Variants in EIPR1 observed in about 807,000 individuals in gnomAD.
The protein encoded by EIPR1 is EARP and GARP complex-interacting protein 1.
In EIPR1, 25 loss-of-function variants were observed where a neutral mutation model predicts 48.1. That is an observed-to-expected ratio of 0.52 (90% CI 0.38 to 0.73). EIPR1 has a LOEUF of 0.73. Ranked by LOEUF, EIPR1 falls within the 30% of genes least tolerant of loss-of-function variation. The pLI is 0.00. For missense variants in EIPR1, 415 were observed against 506.2 expected (o/e 0.82, Z 1.73); for synonymous variants, 204 against 201.9 (o/e 1.01, Z -0.09).
intron 3 of EIPR1, among the ~76,000 whole-genome samples, chr2:3,299,746 T>C (rs1022337724): frequency 4.6e-5 from 7 of 152,004 alleles, no homozygotes; most frequent in African/African-American, 1.5e-4. Context: ...GCAGTTTACA[T>C]GCAATCTTAT....
rs552915090 is a variant in EIPR1 at position 3,232,644 on chromosome 2, T to G, written c.417-18396A>C. On this transcript the variant is annotated intron_variant, in intron 4 of 8. Coordinates refer to ENST00000382125, the MANE Select transcript of EIPR1 (RefSeq NM_003310.5). ...TGCTTCACTGAGCACAGGCCAGTTATGACCCATTTCAACACTGTTAGGACA... is the reference window on the plus strand; with the variant it reads ...TGCTTCACTGAGCACAGGCCAGTTAGGACCCATTTCAACACTGTTAGGACA... Among the ~76,000 whole-genome samples, 20 of 152,338 alleles carry G rather than the reference T, an allele frequency of 1.3e-4. No homozygotes were observed. In the South Asian group the frequency reaches 2.1e-3, roughly 16 times the overall value.
intron 4 of EIPR1, among the ~76,000 whole-genome samples, chr2:3,217,701 G>A (rs1178647473): frequency 6.6e-6 from 1 of 152,036 alleles, no homozygotes; most frequent in Admixed American, 6.6e-5. Context: ...CAGTACCACG[G>A]GTCAAATCTG....
intron 1 of EIPR1, among the ~76,000 whole-genome samples, chr2:3,355,347 T>A (rs1245357390): frequency 6.6e-6 from 1 of 152,108 alleles, no homozygotes; most frequent in Non-Finnish European, 1.5e-5. Context: ...CAAATGAGAA[T>A]CAGACCAACC....
At chr2:3,225,359 C>T (rs909634050) in intron 4 of EIPR1, among the ~76,000 whole-genome samples, 5 of 151,880 alleles carry the variant, frequency 3.3e-5, no homozygotes, top group Admixed American at 2.0e-4. Context: ...AGTCCTCCCA[C>T]CTCAGCCTCT....
chr2:3,245,120 G>A (rs1320855304), intron 4 of EIPR1, among the ~76,000 whole-genome samples: 2 of 151,926 alleles, frequency 1.3e-5, no homozygotes, highest in South Asian at 2.1e-4. Context: ...TTTATATGGG[G>A]CAAGGGAGAC....
chr2:3,344,441 T>C (rs935341933), intron 2 of EIPR1, among the ~76,000 whole-genome samples: 6 of 152,170 alleles, frequency 3.9e-5, no homozygotes, highest in Non-Finnish European at 8.8e-5. Flanking sequence ...AGTGCTGACA[T>C]GAACGTGACC....
At chr2:3,302,644 A>T (rs1036909794) in intron 3 of EIPR1, among the ~76,000 whole-genome samples, 1 of 152,234 alleles carries the variant, frequency 6.6e-6, no homozygotes, top group Non-Finnish European at 1.5e-5. Context: ...GTTGTGCCCC[A>T]TTGCAGTGGC....
chr2:3,280,219 C>A (rs1268915650), intron 3 of EIPR1, among the ~76,000 whole-genome samples: 1 of 152,234 alleles, frequency 6.6e-6, no homozygotes, highest in African/African-American at 2.4e-5. Context: ...CCCTTTAAAC[C>A]TGAGTCCGGA....
chr2:3,228,469 G>C (rs1666134578), intron 4 of EIPR1, among the ~76,000 whole-genome samples: 1 of 152,232 alleles, frequency 6.6e-6, no homozygotes, highest in Admixed American at 6.5e-5. Context: ...AGGCAGAAGG[G>C]ACTTGCCTTG....
intron 1 of EIPR1, among the ~76,000 whole-genome samples, chr2:3,357,405 T>A (rs1412892671): frequency 6.6e-6 from 1 of 152,192 alleles, no homozygotes. Context: ...AAACTAAATA[T>A]GGCCTGAGAA....
rs1038991993 is a variant in EIPR1 at position 3,286,103 on chromosome 2, C to T, written c.260-28648G>A. Among the ~76,000 whole-genome samples, 1 of 152,144 alleles carries T rather than the reference C, an allele frequency of 6.6e-6. No homozygotes were observed. The highest frequency in any genetic ancestry group is 6.5e-5 in the Admixed American group (1 of 15,278). On this transcript the variant is annotated intron_variant, in intron 3 of 8. Coordinates refer to ENST00000382125, the MANE Select transcript of EIPR1 (RefSeq NM_003310.5). This position sits in a 1 kb window ranked among gnomAD's most constrained non-coding sequence, Gnocchi z 4.2. ...GCCACTGGGAGTGAACAAACCTTCC[C>T]AGGACTCCAGCTTTTTCCAGCCAAG...
intron 2 of EIPR1, among the ~76,000 whole-genome samples, chr2:3,343,661 A>T (rs1670316673): frequency 6.6e-6 from 1 of 152,230 alleles, no homozygotes; most frequent in South Asian, 2.1e-4. Flanking sequence ...AGTTATAAAA[A>T]TGTATTAGGA....
chr2:3,288,952 G>A (rs1196659622), intron 3 of EIPR1, among the ~76,000 whole-genome samples: 1 of 152,210 alleles, frequency 6.6e-6, no homozygotes, highest in Non-Finnish European at 1.5e-5. Flanking sequence ...CCCCAGCGGA[G>A]CCCCACCCCG....
At chr2:3,234,316 T>A (rs1484907241) in intron 4 of EIPR1, among the ~76,000 whole-genome samples, 1 of 152,232 alleles carries the variant, frequency 6.6e-6, no homozygotes, top group Non-Finnish European at 1.5e-5. Context: ...GCCAACTTTT[T>A]GCTTTAAACA....
At chr2:3,262,700 C>T (rs2103228418) in intron 3 of EIPR1, among the ~76,000 whole-genome samples, 1 of 152,242 alleles carries the variant, frequency 6.6e-6, no homozygotes, top group East Asian at 1.9e-4. Flanking sequence ...CCACGTGGTC[C>T]CGGGGTTCTG....
rs969873342 is a variant in EIPR1 at position 3,192,400 on chromosome 2, G to T, written c.989+14C>A. 5 of 1,601,474 alleles carry T rather than the reference G, an allele frequency of 3.1e-6. No homozygotes were observed. Among genetic ancestry groups the T allele is most frequent in the Non-Finnish European group, 4.3e-6 (5 of 1,173,850 alleles). On this transcript the variant is annotated intron_variant, in intron 8 of 8. Coordinates refer to ENST00000382125, the MANE Select transcript of EIPR1 (RefSeq NM_003310.5). ...CTGGTACAGCGTGAGCCACTCTGCA[G>T]TGCGTGCCCTTACTTCTCTTCAGAA...
intron 3 of EIPR1, among the ~76,000 whole-genome samples, chr2:3,276,894 T>G (rs538196004): frequency 6.6e-6 from 1 of 152,198 alleles, no homozygotes; most frequent in African/African-American, 2.4e-5. Flanking sequence ...CCTACAATGA[T>G]AGATTAATTT....
At chr2:3,206,374 G>T (rs748736502) in intron 5 of EIPR1, among the ~76,000 whole-genome samples, 17 of 152,226 alleles carry the variant, frequency 1.1e-4, no homozygotes, top group Non-Finnish European at 2.2e-4. Flanking sequence ...GTGGGCTGCA[G>T]GCTCCCACAC....
In EIPR1 at chr2:3,193,612, C is replaced by G. The variant is rs146235785; in HGVS notation, c.821+387G>C. Among the ~76,000 whole-genome samples, 299 of 152,344 alleles carry G rather than the reference C, an allele frequency of 2.0e-3. 1 individual carries two copies. The highest frequency in any genetic ancestry group is 3.6e-3 in the Non-Finnish European group (245 of 68,028). On this transcript the variant is annotated intron_variant, in intron 7 of 8. Transcript: ENST00000382125. The stretch of plus-strand genomic sequence containing the variant: ...CAGCCACATAGAGATGCTCCACATT[C>G]TCCCGACAGCTGCATCATCTCCACT...
Sources: gnomAD v4.1 joint callset for allele counts (sites outside exome capture counted in the v4.1 genomes callset) on GRCh38, gnomAD v4.1.1 for gene constraint, Gnocchi (gnomAD v3.1) non-coding constraint, MANE v1.5 for transcripts, NCBI Gene and HGNC (gene_info 2026-07-23, HGNC 2026-07-21) for gene names.